BATF: variants seen among roughly 807,000 people sequenced by gnomAD.
The protein encoded by BATF is basic leucine zipper ATF-like transcription factor.
Under a neutral mutation model 13.7 loss-of-function variants are expected in BATF, and 5 were observed. That is an observed-to-expected ratio of 0.36 (90% CI 0.19 to 0.77). The LOEUF is 0.77. Among genes scored for constraint, BATF ranks in the 30% least tolerant of loss-of-function variants. The probability of loss-of-function intolerance (pLI) is 0.51; values close to 1 mark genes in which losing one functional copy is unlikely to be tolerated. For missense variants in BATF, 124 were observed against 163.0 expected (o/e 0.76, Z 1.30); for synonymous variants, 72 against 67.5 (o/e 1.07, Z -0.33).
At chr14:75,523,780 G>A (rs17783132) in intron 1 of BATF, among the ~76,000 whole-genome samples, 13,017 of 152,206 alleles carry the variant, frequency 0.086, 703 homozygotes, top group Non-Finnish European at 0.13. Flanking sequence ...TGAACAGGGC[G>A]TATATCCTAA....
chr14:75,534,352 G>A (rs1424460386), intron 2 of BATF, among the ~76,000 whole-genome samples: 1 of 152,112 alleles, frequency 6.6e-6, no homozygotes, highest in East Asian at 1.9e-4. Context: ...TTATGAAAAC[G>A]ATACACACTA....
chr14:75,533,258 C>T (rs563726040), intron 2 of BATF, among the ~76,000 whole-genome samples: 1 of 152,064 alleles, frequency 6.6e-6, no homozygotes, highest in South Asian at 2.1e-4. Context: ...GAAACCCTGT[C>T]TCTACTAAAA....
At chr14:75,544,778 C>A (rs888501086) in intron 2 of BATF, among the ~76,000 whole-genome samples, 2 of 131,848 alleles carry the variant, frequency 1.5e-5, no homozygotes, top group African/African-American at 5.4e-5. Flanking sequence ...TATCAGGTTG[C>A]CTTTTGAACT....
At chr14:75,536,551 C>T (rs1220036345) in intron 2 of BATF, among the ~76,000 whole-genome samples, 1 of 151,904 alleles carries the variant, frequency 6.6e-6, no homozygotes, top group Non-Finnish European at 1.5e-5. Flanking sequence ...CACAGTGAAA[C>T]CCCATCTCTA....
chr14:75,544,983 A>G (rs4903326), intron 2 of BATF, among the ~76,000 whole-genome samples: 107,516 of 151,844 alleles, frequency 0.71, 40,316 homozygotes, highest in East Asian at 0.9. Context: ...CCAGATTGCA[A>G]TTGTTGATTA....
At chr14:75,542,985 C>G (rs74966968) in intron 2 of BATF, among the ~76,000 whole-genome samples, 3 of 152,162 alleles carry the variant, frequency 2.0e-5, no homozygotes, top group Non-Finnish European at 2.9e-5. Context: ...CCTTCTGCCT[C>G]GGGGTTTGCC....
chr14:75,524,799 A>G (rs79443297), intron 1 of BATF, among the ~76,000 whole-genome samples: 4 of 143,014 alleles, frequency 2.8e-5, no homozygotes, highest in Non-Finnish European at 6.2e-5. Context: ...CGCCTTAACC[A>G]TTTTTTTTTT....
rs749291120 is a variant in BATF, at chr14:75,546,949, G to C, written c.*278G>C. ...CAAGTCCCATGGCACAGAGCAAGGC[G>C]GGCAGGGAACGGTTATTTTTCTAAA... On this transcript the variant is annotated 3_prime_UTR_variant, in exon 3 of 3. Transcript: ENST00000286639. The C allele has an allele frequency of 7.1e-6, 5 of 703,298 alleles. No individual in the cohort carries two copies. The highest frequency in any genetic ancestry group is 1.3e-5 in the Non-Finnish European group (5 of 385,802). 43.6% of individuals were successfully genotyped at this position (703,298 alleles called of 1,614,324 possible).
intron 2 of BATF, among the ~76,000 whole-genome samples, chr14:75,528,879 A>C (rs1887690564): frequency 6.6e-6 from 1 of 152,250 alleles, no homozygotes; most frequent in Non-Finnish European, 1.5e-5. Context: ...AATGGAAGGA[A>C]AGATCCTGTT....
rs558753209 is a variant in BATF at position 75,544,947 on chromosome 14, G to A, written c.169-1515G>A. Among the ~76,000 whole-genome samples the A allele has an allele frequency of 7.4e-4, 112 of 152,216 alleles. 2 individuals are homozygous for A. The South Asian group carries it at 0.021, about 29-fold the overall frequency. ...GATCTCCTGGGCTTTCTGAGGATGG[G>A]ATTGCTTTTCCATAATTGCTAATTA... On this transcript the variant is annotated intron_variant, in intron 2 of 2. Transcript: ENST00000286639.
At chr14:75,543,469 C>CG (rs1268009293) in intron 2 of BATF, among the ~76,000 whole-genome samples, 1 of 152,144 alleles carries the variant, frequency 6.6e-6, no homozygotes, top group Non-Finnish European at 1.5e-5. Context: ...AAGACCCCCC[C>CG]CAGGATGTGG....
At chr14:75,524,223 G>T (rs1358878429) in intron 1 of BATF, among the ~76,000 whole-genome samples, 3 of 152,174 alleles carry the variant, frequency 2.0e-5, no homozygotes, top group South Asian at 4.1e-4. Context: ...CTCTCTCTGG[G>T]TGTAATTAGA....
At chr14:75,534,993 T>C (rs1887796885) in intron 2 of BATF, among the ~76,000 whole-genome samples, 1 of 152,226 alleles carries the variant, frequency 6.6e-6, no homozygotes, top group African/African-American at 2.4e-5. Context: ...TTGTGGATAA[T>C]CAATTTGATG....
chr14:75,536,500 T>C (rs889321340), intron 2 of BATF, among the ~76,000 whole-genome samples: 4 of 152,002 alleles, frequency 2.6e-5, no homozygotes, highest in Non-Finnish European at 5.9e-5. Flanking sequence ...CCGAGTTGGT[T>C]GGATCATTTG....
chr14:75,523,196 T>G (rs1595001219), intron 1 of BATF, among the ~76,000 whole-genome samples: 38 of 111,092 alleles, frequency 3.4e-4, no homozygotes, highest in South Asian at 6.8e-4. Context: ...AGAAAAGGGG[T>G]TAGGGAAAAG....
At chr14:75,540,273 TC>T (rs1374944798) in intron 2 of BATF, among the ~76,000 whole-genome samples, 2 of 152,060 alleles carry the variant, frequency 1.3e-5, no homozygotes, top group Non-Finnish European at 2.9e-5. Context: ...GCCTGGGGAT[TC>T]CCCATCGTTG....
chr14:75,539,148 G>C (rs913665813), intron 2 of BATF, among the ~76,000 whole-genome samples: 13 of 152,184 alleles, frequency 8.5e-5, no homozygotes, highest in Non-Finnish European at 1.5e-4. Flanking sequence ...GAGAGACCAG[G>C]CTACAGCAAG....
At chr14:75,524,950 T>C (rs1193769656) in intron 1 of BATF, 134 bp from the exon 2 acceptor site, 1 of 676,360 alleles carries the variant, frequency 1.5e-6, no homozygotes, top group Non-Finnish European at 2.5e-6. Flanking sequence ...TTTTGGTAAA[T>C]AGAGGGATGG....
intron 2 of BATF, among the ~76,000 whole-genome samples, chr14:75,537,986 G>T (rs1215958742): frequency 6.6e-6 from 1 of 151,980 alleles, no homozygotes; most frequent in African/African-American, 2.4e-5. Context: ...TTGAGATAAG[G>T]TTTCACTCTT....
Sources: gnomAD v4.1 joint callset for allele counts (sites outside exome capture counted in the v4.1 genomes callset) on GRCh38, gnomAD v4.1.1 for gene constraint, MANE v1.5 for transcripts, NCBI Gene and HGNC (gene_info 2026-07-23, HGNC 2026-07-21) for gene names.